Variants in MOK observed in about 807,000 individuals in gnomAD.
MOK encodes the protein MAPK/MAK/MRK overlapping kinase.
A neutral mutation model predicts 54.2 loss-of-function variants in MOK; 59 were observed. The observed-to-expected ratio is 1.09, with a 90% CI of 0.88 to 1.35. The LOEUF (loss-of-function observed/expected upper bound fraction) is 1.35, where lower values mean the gene tolerates loss of function less well. Ranked by LOEUF, MOK falls within the 40% of genes most tolerant of loss-of-function variation. The probability of loss-of-function intolerance (pLI) is 0.00; values close to 1 mark genes in which losing one functional copy is unlikely to be tolerated. For missense variants in MOK, 517 were observed against 526.2 expected, an observed-to-expected ratio of 0.98 and a Z score of 0.17; for synonymous variants, 210 against 202.7, an observed-to-expected ratio of 1.04 and a Z score of -0.31.
chr14:102,289,190 C>T (rs2070469776), intron 1 of MOK, among the ~76,000 whole-genome samples: 1 of 152,152 alleles, frequency 6.6e-6, no homozygotes, highest in Non-Finnish European at 1.5e-5. Flanking sequence ...CAGGCACGAG[C>T]CACTGCGCTT....
intron 2 of MOK, among the ~76,000 whole-genome samples, chr14:102,273,498 C>A (rs115141695): frequency 6.6e-6 from 1 of 152,088 alleles, no homozygotes; most frequent in Non-Finnish European, 1.5e-5. Context: ...CTGAAACCGT[C>A]CAGGCAAGGT....
chr14:102,214,859 T>C, the MOK span: 9 of 984,500 alleles, frequency 9.1e-6, no homozygotes, highest in African/African-American at 1.6e-4. Context: ...GAAATCATGT[T>C]TGTTTCACTG....
At chr14:102,254,969 A>T (rs999636675) in intron 4 of MOK, among the ~76,000 whole-genome samples, 3 of 152,190 alleles carry the variant, frequency 2.0e-5, no homozygotes, top group Non-Finnish European at 4.4e-5. Context: ...TCTGAACTTG[A>T]ACTTGGGAAA....
chr14:102,251,664 A>G, intron 6 of MOK, 92 bp downstream of exon 6: 1 of 1,019,904 alleles, frequency 9.8e-7, no homozygotes, highest in Non-Finnish European at 1.5e-6. Flanking sequence ...GCATGGACTG[A>G]AAGTTCCTCT....
chr14:102,234,651 C>G (rs4906184), intron 7 of MOK, among the ~76,000 whole-genome samples: 40,351 of 152,054 alleles, frequency 0.27, 6,539 homozygotes, highest in Admixed American at 0.39. Context: ...AAAACTACCC[C>G]CCTTGGGTGC....
At chr14:102,300,465 C>T (rs745423449) in intron 1 of MOK, among the ~76,000 whole-genome samples, 1 of 151,758 alleles carries the variant, frequency 6.6e-6, no homozygotes, top group Non-Finnish European at 1.5e-5. Context: ...GGGAGGATTG[C>T]CTGAGCCCAG....
intron 1 of MOK, among the ~76,000 whole-genome samples, chr14:102,284,146 T>C (rs1190220216): frequency 1.3e-5 from 2 of 152,098 alleles, no homozygotes; most frequent in African/African-American, 2.4e-5. Context: ...TAGATCACTA[T>C]GTTAAATGCC....
intron 1 of MOK, among the ~76,000 whole-genome samples, chr14:102,293,345 A>G (rs1723003833): frequency 6.6e-6 from 1 of 152,188 alleles, no homozygotes; most frequent in Admixed American, 6.5e-5. Context: ...TTCAGCCATA[A>G]TTTCATGTTA....
At chr14:102,222,009 CTT>C (rs2063946983), downstream of MOK, among the ~76,000 whole-genome samples, 1 of 152,192 alleles carries the variant, frequency 6.6e-6, no homozygotes, top group South Asian at 2.1e-4. The surrounding 1 kb of genome is among the most constrained non-coding windows in gnomAD (Gnocchi z 4.4). Flanking sequence ...TGGAAGTACT[CTT>C]TGCTGTGTAG....
chr14:102,237,668 C>G (rs1343882693), intron 7 of MOK, among the ~76,000 whole-genome samples: 2 of 152,186 alleles, frequency 1.3e-5, no homozygotes, highest in South Asian at 2.1e-4. Context: ...ATCTCCCAAC[C>G]TCTCACACTC....
chr14:102,252,082 A>G (rs28607975), intron 4 of MOK, 87 bp from the exon 5 acceptor site: 180,732 of 799,768 alleles, frequency 0.23, 23,806 homozygotes, highest in African/African-American at 0.52. Context: ...TTTATTTAAC[A>G]ATGTGTGAAA....
chr14:102,246,765 T>C (rs1367238068), intron 7 of MOK, among the ~76,000 whole-genome samples: 1 of 152,154 alleles, frequency 6.6e-6, no homozygotes, highest in Non-Finnish European at 1.5e-5. Flanking sequence ...ACAGCTGTGA[T>C]GAATGCCTAT....
Position 102,283,452 on chromosome 14 carries a change from GTCCCAAGTGCATC to G in MOK, c.122+13_122+25del, listed in dbSNP as rs1286806331. ...TGACTGAAACTTGGATCTGTGTTTG[GTCCCAAGTGCATC>G]TCTGTAGCCTACCTTTCAAAGCGCT... On this transcript the variant is annotated intron_variant, in intron 2 of 11. Transcript: ENST00000361847. 3 of 1,502,048 alleles carry G rather than the reference GTCCCAAGTGCATC, an allele frequency of 2.0e-6. No homozygotes were observed. The African/African-American group carries it at 4.2e-5, about 21-fold the overall frequency. The allele number at this position is 1,502,048 out of a possible 1,614,324, so 93.0% of individuals were successfully genotyped here.
chr14:102,221,748 G>A (rs28540894), downstream of MOK, among the ~76,000 whole-genome samples: 8,200 of 152,240 alleles, frequency 0.054, 274 homozygotes, highest in African/African-American at 0.1. The surrounding 1 kb of genome is among the most constrained non-coding windows in gnomAD (Gnocchi z 4.8). Flanking sequence ...GGCAGTTTCC[G>A]ATTGTCACCT....
At chr14:102,227,700 G>A (rs1411478626), downstream of MOK, among the ~76,000 whole-genome samples, 3 of 152,074 alleles carry the variant, frequency 2.0e-5, no homozygotes, top group East Asian at 5.8e-4. Flanking sequence ...CCCATGTGGT[G>A]CAGAGTGGGC....
chr14:102,278,704 G>A (rs1014198238), intron 2 of MOK: 1 of 455,926 alleles, frequency 2.2e-6, no homozygotes, highest in African/African-American at 2.0e-5. Context: ...TCTGAAAGAT[G>A]TAACAATGGA....
rs1019042006 is a variant in MOK at position 102,249,051 on chromosome 14, C to T, written c.590+1761G>A. Among the ~76,000 whole-genome samples, 6 of 152,030 alleles carry T rather than the reference C, an allele frequency of 3.9e-5. No homozygotes were observed. Among genetic ancestry groups the T allele is most frequent in the African/African-American group, 1.4e-4 (6 of 41,394 alleles). On this transcript the variant is annotated intron_variant, in intron 7 of 11. Transcript: ENST00000361847. This position sits in a 1 kb window ranked among gnomAD's most constrained non-coding sequence, Gnocchi z 5.3. Reference sequence around the variant, plus strand: ...GAGGAACTCAGCCTGGCGTGTGCAGCGACCCTCACCACACGGAACACGAGG... The same window carrying T: ...GAGGAACTCAGCCTGGCGTGTGCAGTGACCCTCACCACACGGAACACGAGG...
rs117892499 is a variant in MOK, at chr14:102,252,589, A to G, written c.284-594T>C. Among the ~76,000 whole-genome samples the G allele has an allele frequency of 5.3e-5, 8 of 152,304 alleles. No homozygotes were observed. The East Asian group carries it at 1.5e-3, about 29-fold the overall frequency. ...TCTTTTACATCCTCAACTATGTATTAGTAGCACCATGTAATTTTTAGAATT... is the reference window on the plus strand; with the variant it reads ...TCTTTTACATCCTCAACTATGTATTGGTAGCACCATGTAATTTTTAGAATT... On this transcript the variant is annotated intron_variant, in intron 4 of 11. Coordinates refer to ENST00000361847, the MANE Select transcript of MOK (RefSeq NM_014226.3).
At chr14:102,290,740 C>T (rs971218232) in intron 1 of MOK, among the ~76,000 whole-genome samples, 1 of 152,072 alleles carries the variant, frequency 6.6e-6, no homozygotes, top group East Asian at 1.9e-4. Context: ...ATCCCTGAAC[C>T]CTAATGGGTA....
Sources: gnomAD v4.1 joint callset for allele counts (sites outside exome capture counted in the v4.1 genomes callset) on GRCh38, gnomAD v4.1.1 for gene constraint, Gnocchi (gnomAD v3.1) non-coding constraint, MANE v1.5 for transcripts, NCBI Gene and HGNC (gene_info 2026-07-23, HGNC 2026-07-21) for gene names.